LMNA: variants seen among roughly 807,000 people sequenced by gnomAD.
The protein encoded by LMNA is lamin A/C.
LMNA carries 20 observed loss-of-function variants against 70.4 expected under a neutral mutation model. The observed-to-expected ratio is 0.28, with a 90% CI of 0.20 to 0.41. The LOEUF (loss-of-function observed/expected upper bound fraction) is 0.41. Among genes scored for constraint, LMNA ranks in the 10% least tolerant of loss-of-function variants. The pLI is 1.00. For synonymous variants in LMNA, 339 were observed against 372.8 expected, an observed-to-expected ratio of 0.91 and a Z score of 1.04; for missense variants, 652 against 917.2, an observed-to-expected ratio of 0.71 and a Z score of 3.73.
upstream of LMNA, among the ~76,000 whole-genome samples, chr1:156,112,002 T>G (rs560932735): frequency 5.3e-5 from 8 of 152,310 alleles, no homozygotes; most frequent in South Asian, 1.7e-3. Context: ...AAGTTTCACT[T>G]TGAAGTTCAG....
rs1448275854 is a variant in LMNA at position 156,136,320 on chromosome 1, G to C, written c.1264G>C (p.Glu422Gln). The C allele has an allele frequency of 6.2e-7, 1 of 1,612,282 alleles. No homozygotes were observed. Residue 422 changes from glutamate (E) to glutamine (Q), a missense_variant, in exon 7 of 12, where the codon GAG becomes CAG. Around this residue, in one of 4 missense-constraint regions of LMNA, gnomAD observed 327 missense variants for 387.6 expected, o/e 0.84. Transcript: ENST00000368300. This position sits in a 1 kb window ranked among gnomAD's most constrained non-coding sequence, Gnocchi z 6.1. ...GGSVTKKRKL[E>Q]STESRSSFSQ... is the part of the protein sequence containing the mutation. ...CAGCGTCACCAAAAAGCGCAAACTG[G>C]AGTCCACTGAGAGCCGCAGCAGCTT...
At chr1:156,097,638 C>G (rs1325836634) in intron 3 of LMNA, among the ~76,000 whole-genome samples, 1 of 152,210 alleles carries the variant, frequency 6.6e-6, no homozygotes. Context: ...CTTGGGAAGG[C>G]CCAGAAAGCA....
chr1:156,126,012 A>T (rs1353908508), intron 1 of LMNA: 4 of 292,876 alleles, frequency 1.4e-5, no homozygotes, highest in Non-Finnish European at 2.4e-5. Context: ...AAATTTTAAA[A>T]TTAAACAATT....
At chr1:156,087,330 G>A (rs1473693452) in intron 2 of LMNA, among the ~76,000 whole-genome samples, 7 of 148,226 alleles carry the variant, frequency 4.7e-5, no homozygotes, top group Non-Finnish European at 7.4e-5. Context: ...TGCAACCTCC[G>A]CCTCCCAGGT....
chr1:156,128,719 T>C (rs1650792284), intron 1 of LMNA, among the ~76,000 whole-genome samples: 1 of 152,210 alleles, frequency 6.6e-6, no homozygotes, highest in East Asian at 1.9e-4. Context: ...CTTCCTCCTT[T>C]GCACCTCAGT....
At chr1:156,092,818 C>T (rs1648756905) in intron 3 of LMNA, among the ~76,000 whole-genome samples, 1 of 151,990 alleles carries the variant, frequency 6.6e-6, no homozygotes, top group Admixed American at 6.6e-5. Flanking sequence ...ACCTCTCCAG[C>T]CCATCCTGCT....
At chr1:156,092,731 T>C (rs1176720770) in intron 3 of LMNA, among the ~76,000 whole-genome samples, 1 of 151,562 alleles carries the variant, frequency 6.6e-6, no homozygotes, top group Non-Finnish European at 1.5e-5. Flanking sequence ...AAGCACCATC[T>C]TAGTTCCCCG....
intron 2 of LMNA, among the ~76,000 whole-genome samples, chr1:156,089,592 T>TA (rs750186138): frequency 4.7e-5 from 4 of 84,374 alleles, no homozygotes; most frequent in African/African-American, 8.6e-5. Context: ...AAACTCCGTC[T>TA]AAAAAAAAAA....
intron 2 of LMNA, among the ~76,000 whole-genome samples, chr1:156,088,754 A>G (rs973474021): frequency 1.3e-5 from 2 of 152,182 alleles, no homozygotes; most frequent in East Asian, 1.9e-4. Flanking sequence ...GATTCAAGCA[A>G]TTCTCCTGCC....
At chr1:156,131,142 G>A (rs1332052752) in intron 2 of LMNA, among the ~76,000 whole-genome samples, 5 of 152,154 alleles carry the variant, frequency 3.3e-5, no homozygotes, top group African/African-American at 1.2e-4. Context: ...ATGGTGGCGG[G>A]CGCCTGTAGT....
At position 156,115,002 on chromosome 1, in the gene LMNA, G is replaced by A; in HGVS notation, c.84G>A (p.Arg28=). The A allele has an allele frequency of 6.2e-7, 1 of 1,600,406 alleles. No individual in the cohort carries two copies. The highest frequency in any genetic ancestry group is 8.5e-7 in the Non-Finnish European group (1 of 1,173,788). The change falls in exon 1 of 12, where the codon CGG becomes CGA. Residue 28 remains arginine, a synonymous_variant. Coordinates refer to ENST00000368300, the MANE Select transcript of LMNA (RefSeq NM_170707.4). The surrounding 1 kb of genome is among the most constrained non-coding windows in gnomAD (Gnocchi z 5.8). ...STPLSPTRIT[R]LQEKEDLQEL... is the part of the protein sequence containing the mutation. ...CGCTGTCGCCCACCCGCATCACCCG[G>A]CTGCAGGAGAAGGAGGACCTGCAGG...
At chr1:156,131,038 G>A (rs1383743487) in intron 2 of LMNA, among the ~76,000 whole-genome samples, 3 of 151,986 alleles carry the variant, frequency 2.0e-5, no homozygotes, top group South Asian at 2.1e-4. Context: ...TTAGGAGGCC[G>A]AGGTGGGCCG....
rs1439463094 is a variant in LMNA at position 156,139,605 on chromosome 1, G to A, written c.*499G>A. The A allele has an allele frequency of 7.1e-7, 1 of 1,414,998 alleles. No individual in the cohort carries two copies. The highest frequency in any genetic ancestry group is 1.5e-5 in the South Asian group (1 of 67,466). 87.7% of individuals were successfully genotyped at this position (1,414,998 alleles called of 1,614,324 possible). On this transcript the variant is annotated 3_prime_UTR_variant, in exon 12 of 12. Transcript: ENST00000368300. ...TCCGAGAGGGAGAGAGAGAGAGAGA[G>A]GACAGCTTGAGCCGGGCCCCTGGGC...
chr1:156,089,398 C>A (rs150163780), intron 2 of LMNA, among the ~76,000 whole-genome samples: 1 of 151,528 alleles, frequency 6.6e-6, no homozygotes, highest in Non-Finnish European at 1.5e-5. Flanking sequence ...TGGGTTCAAG[C>A]GATTCTCCTG....
intron 1 of LMNA, among the ~76,000 whole-genome samples, chr1:156,125,304 G>T (rs1650475382): frequency 6.6e-6 from 1 of 152,162 alleles, no homozygotes; most frequent in South Asian, 2.1e-4. Flanking sequence ...GGAGTTGCTG[G>T]AACAAAAGGA....
At chr1:156,139,008 A>G in intron 11 of LMNA, 72 bp from the exon 12 acceptor site, 1 of 1,524,658 alleles carries the variant, frequency 6.6e-7, no homozygotes, top group Non-Finnish European at 9.1e-7. Flanking sequence ...CCTCCCTTCT[A>G]GGGGCCAGGG....
intron 2 of LMNA, among the ~76,000 whole-genome samples, chr1:156,084,711 A>G (rs1054983463): frequency 2.6e-5 from 4 of 152,268 alleles, no homozygotes; most frequent in Non-Finnish European, 5.9e-5. Flanking sequence ...TAGAAATAGC[A>G]AACAGTTGCA....
At position 156,114,918 on chromosome 1, in the gene LMNA, C is replaced by A. The variant is rs886043355; in HGVS notation, c.-1C>A. On this transcript the variant is annotated 5_prime_UTR_variant, in exon 1 of 12. Coordinates refer to ENST00000368300, the MANE Select transcript of LMNA (RefSeq NM_170707.4). ...CGGGCAGCGCTGCCAACCTGCCGGCCATGGAGACCCCGTCCCAGCGGCGCG... is the reference window on the plus strand; with the variant it reads ...CGGGCAGCGCTGCCAACCTGCCGGCAATGGAGACCCCGTCCCAGCGGCGCG... The A allele has an allele frequency of 7.8e-6, 12 of 1,548,116 alleles. No individual in the cohort carries two copies. Among genetic ancestry groups the A allele is most frequent in the Non-Finnish European group, 1.0e-5 (12 of 1,145,454 alleles).
At position 156,135,720 on chromosome 1, in the gene LMNA, G is replaced by A; in HGVS notation, c.937-181G>A. On this transcript the variant is annotated intron_variant, in intron 5 of 11. Coordinates refer to ENST00000368300, the MANE Select transcript of LMNA (RefSeq NM_170707.4). The surrounding 1 kb of genome is among the most constrained non-coding windows in gnomAD (Gnocchi z 4.8). ...AGACAAGGGGAAGGACTTCCCAGTT[G>A]CCAGCCAAGACTATGTTTAGAGCTT... 4.8e-6 allele frequency: 3 copies of A among 622,498 alleles called. No homozygotes were observed. The highest frequency in any genetic ancestry group is 1.9e-5 in the South Asian group (1 of 51,740). The allele number at this position is 622,498 out of a possible 1,614,324, so 38.6% of individuals were successfully genotyped here.
Sources: allele counts gnomAD v4.1 joint callset (sites outside exome capture counted in the v4.1 genomes callset), GRCh38; gene constraint gnomAD v4.1.1; regional missense constraint gnomAD v4.1.1; non-coding constraint Gnocchi (gnomAD v3.1); transcripts MANE v1.5; gene names NCBI Gene and HGNC (gene_info 2026-07-23, HGNC 2026-07-21).